The following PCDHGB4 variants were observed in gnomAD, a reference collection of about 807,000 sequenced individuals.
PCDHGB4 encodes the protein protocadherin gamma-B4.
In PCDHGB4, 38 loss-of-function variants were observed where a neutral mutation model predicts 60.5. The observed-to-expected ratio is 0.63, with a 90% CI of 0.48 to 0.82. The LOEUF is 0.82. PCDHGB4 is among the 40% of genes least tolerant of loss of function. The pLI is 0.00. For missense variants in PCDHGB4, 1,109 were observed against 1,209.6 expected (o/e 0.92, Z 1.23); for synonymous variants, 456 against 509.7 (o/e 0.89, Z 1.42).
intron 1 of PCDHGB4, among the ~76,000 whole-genome samples, chr5:141,456,206 T>C (rs966457070): frequency 6.6e-6 from 1 of 152,098 alleles, no homozygotes; most frequent in African/African-American, 2.4e-5. Context: ...ACCACATTCC[T>C]CCCTGTGGCG....
At chr5:141,429,523 A>G (rs1009016050) in intron 1 of PCDHGB4, among the ~76,000 whole-genome samples, 1 of 152,174 alleles carries the variant, frequency 6.6e-6, no homozygotes, top group Non-Finnish European at 1.5e-5. Context: ...CAGAGAAAAA[A>G]GCTTAAAAAA....
rs1332743231 is a variant in PCDHGB4 at position 141,432,967 on chromosome 5, G to A, written c.2397+42686G>A. 4 of 1,614,192 alleles carry A rather than the reference G, an allele frequency of 2.5e-6. No homozygotes were observed. In the East Asian group the frequency reaches 6.7e-5, roughly 27 times the overall value. On this transcript the variant is annotated intron_variant, in intron 1 of 3. Coordinates refer to ENST00000519479, the MANE Select transcript of PCDHGB4 (RefSeq NM_003736.4). The surrounding 1 kb of genome is among the most constrained non-coding windows in gnomAD (Gnocchi z 6.0). The stretch of plus-strand genomic sequence containing the variant: ...CAGGAGGCGGCTTGACAGGAGCGCC[G>A]GCGTCGCACTTTGTGGGCGTGGACG...
chr5:141,407,497 G>GTTTTTTTTTTTTTTTTT (rs1554102286), intron 1 of PCDHGB4, among the ~76,000 whole-genome samples: 2 of 151,970 alleles, frequency 1.3e-5, no homozygotes, highest in African/African-American at 4.8e-5. Context: ...CTTTATTTCT[G>GTTTTTTTTTTTTTTTTT]TTTTTCTTAG....
chr5:141,405,471 A>C, intron 1 of PCDHGB4: 6 of 1,084,370 alleles, frequency 5.5e-6, no homozygotes, highest in Non-Finnish European at 7.9e-6. Context: ...CCAGGCTGGA[A>C]TGCAGTGGTG....
chr5:141,508,139 G>C (rs1243018384), intron 3 of PCDHGB4: 1 of 152,514 alleles, frequency 6.6e-6, no homozygotes, highest in African/African-American at 2.4e-5. Flanking sequence ...CAGGGAGCTG[G>C]GGGCTGAGTT....
intron 2 of PCDHGB4, among the ~76,000 whole-genome samples, chr5:141,500,020 T>A (rs905529317): frequency 6.6e-6 from 1 of 151,918 alleles, no homozygotes; most frequent in Non-Finnish European, 1.5e-5. Flanking sequence ...ACATTTTATA[T>A]TTGAGTGAGT....
intron 1 of PCDHGB4, among the ~76,000 whole-genome samples, chr5:141,460,997 G>A (rs1322943324): frequency 3.4e-5 from 5 of 147,290 alleles, no homozygotes; most frequent in Admixed American, 1.4e-4. Flanking sequence ...ATATATATAT[G>A]TGTATATATA....
chr5:141,457,466 A>C (rs1404739941), intron 1 of PCDHGB4, among the ~76,000 whole-genome samples: 1 of 152,356 alleles, frequency 6.6e-6, no homozygotes, highest in East Asian at 1.9e-4. Context: ...ATTCACAGGA[A>C]TAAGCAGGGC....
At chr5:141,414,821 A>G (rs1321959107) in intron 1 of PCDHGB4, 1 of 1,614,226 alleles carries the variant, frequency 6.2e-7, no homozygotes, top group South Asian at 1.1e-5. Flanking sequence ...CTCAGCAGCA[A>G]CGTGTCGTTG....
chr5:141,390,297 G>A lies in PCDHGB4; in HGVS notation c.2397+16G>A, dbSNP rs1313373310. The A allele has an allele frequency of 6.2e-7, 1 of 1,613,826 alleles. No individual in the cohort carries two copies. Among genetic ancestry groups the A allele is most frequent in the East Asian group, 2.2e-5 (1 of 44,890 alleles). ...TTCCCATCAGGTGAGTTTCCTTTAA[G>A]TATAATTTAATGCTCATTGCCTACC... is the stretch of plus-strand genomic sequence containing the variant. On this transcript the variant is annotated intron_variant, in intron 1 of 3. Transcript: ENST00000519479.
chr5:141,393,959 T>G, intron 1 of PCDHGB4: 1 of 1,613,970 alleles, frequency 6.2e-7, no homozygotes, highest in Non-Finnish European at 8.5e-7. Flanking sequence ...ATGGTCAAGT[T>G]GTCTGTTACA....
chr5:141,400,521 G>A (rs1462677478), intron 1 of PCDHGB4: 5 of 1,613,972 alleles, frequency 3.1e-6, no homozygotes, highest in Non-Finnish European at 4.2e-6. Context: ...CCCATCCTGA[G>A]TTGGTGAGTT....
chr5:141,418,079 C>A, intron 1 of PCDHGB4: 1 of 1,614,048 alleles, frequency 6.2e-7, no homozygotes, highest in Non-Finnish European at 8.5e-7. Context: ...GGAGAAGCTG[C>A]ACTTCAGCGT....
chr5:141,405,295 C>T lies in PCDHGB4; in HGVS notation c.2397+15014C>T, dbSNP rs192426924. On this transcript the variant is annotated intron_variant, in intron 1 of 3. Transcript: ENST00000519479. ...CCAACTATGCAGACACACTCATCAG[C>T]CAGCAGAGCTGTGAGAAAAATGAGC... 26 of 1,614,180 alleles carry T rather than the reference C, an allele frequency of 1.6e-5. No individual in the cohort carries two copies. In the East Asian group the frequency reaches 4.0e-4, roughly 25 times the overall value.
chr5:141,467,775 C>T (rs1464827506), intron 1 of PCDHGB4, among the ~76,000 whole-genome samples: 1 of 151,960 alleles, frequency 6.6e-6, no homozygotes, highest in Non-Finnish European at 1.5e-5. Context: ...GCCCGCACCT[C>T]AGCCTCTCAA....
chr5:141,433,365 A>G (rs1347170890), intron 1 of PCDHGB4: 7 of 523,718 alleles, frequency 1.3e-5, no homozygotes, highest in Non-Finnish European at 2.4e-5. Context: ...CTGCCTATCT[A>G]TCTATCTATC....
At chr5:141,469,743 A>G (rs1166798506) in intron 1 of PCDHGB4, among the ~76,000 whole-genome samples, 1 of 152,252 alleles carries the variant, frequency 6.6e-6, no homozygotes, top group Non-Finnish European at 1.5e-5. Context: ...CACCTCAAAA[A>G]TTACAAAAAT....
chr5:141,440,918 A>C (rs2154559108), intron 1 of PCDHGB4: 1 of 152,384 alleles, frequency 6.6e-6, no homozygotes, highest in Admixed American at 6.5e-5. Context: ...TCCTGTGCTG[A>C]GAGTGAGGGC....
Position 141,490,924 on chromosome 5 carries a change from C to G in PCDHGB4, c.2398-3883C>G, listed in dbSNP as rs1469202824. The G allele has an allele frequency of 1.9e-6, 3 of 1,613,562 alleles. No individual in the cohort carries two copies. The highest frequency in any genetic ancestry group is 2.5e-6 in the Non-Finnish European group (3 of 1,179,702). ...TGTCCTAGACGAGAATGATAATGCC[C>G]CAGCTGTGCTGCACCCACGGCCAGA... On this transcript the variant is annotated intron_variant, in intron 1 of 3. Transcript: ENST00000519479. The surrounding 1 kb of genome is among the most constrained non-coding windows in gnomAD (Gnocchi z 5.4).
Sources: allele counts gnomAD v4.1 joint callset (sites outside exome capture counted in the v4.1 genomes callset), GRCh38; gene constraint gnomAD v4.1.1; non-coding constraint Gnocchi (gnomAD v3.1); transcripts MANE v1.5; gene names NCBI Gene and HGNC (gene_info 2026-07-23, HGNC 2026-07-21).